Variants in KANSL3 observed in about 807,000 individuals in gnomAD.
The protein encoded by KANSL3 is KAT8 regulatory NSL complex subunit 3, also known as NSL complex protein NSL3.
Under a neutral mutation model 89.2 loss-of-function variants are expected in KANSL3, and 16 were observed. The ratio of observed to expected loss-of-function variants is 0.18; its 90% CI spans 0.12 to 0.27. The LOEUF is 0.27. Among genes scored for constraint, KANSL3 ranks in the 10% least tolerant of loss-of-function variants. KANSL3 has a pLI of 1.00. For synonymous variants in KANSL3, 385 were observed against 419.7 expected, an observed-to-expected ratio of 0.92 and a Z score of 1.01; for missense variants, 879 against 1,110.6, an observed-to-expected ratio of 0.79 and a Z score of 2.96.
Position 96,609,566 on chromosome 2 carries a change from A to T in KANSL3, c.1320-4T>A. On this transcript the variant is annotated splice_region_variant and splice_polypyrimidine_tract_variant and intron_variant, in intron 11 of 20. Coordinates refer to ENST00000431828, the MANE Select transcript of KANSL3 (RefSeq NM_001115016.3). ...TTTCTTCTTTGCTTTGCTTATTCTAAGAAACAAAAAGGATGACATGTTTAC... is the reference window on the plus strand; with the variant it reads ...TTTCTTCTTTGCTTTGCTTATTCTATGAAACAAAAAGGATGACATGTTTAC... 8 of 1,611,766 alleles carry T rather than the reference A, an allele frequency of 5.0e-6. No homozygotes were observed. Among genetic ancestry groups the T allele is most frequent in the Non-Finnish European group, 6.8e-6 (8 of 1,177,852 alleles).
chr2:96,608,476 C>T (rs2068346111), intron 14 of KANSL3, 32 bp downstream of exon 14: 3 of 1,612,196 alleles, frequency 1.9e-6, no homozygotes, highest in African/African-American at 2.7e-5. Flanking sequence ...AGAAGACAGA[C>T]CCAAGAGGAG....
chr2:96,632,964 T>C (rs2073669964), intron 2 of KANSL3, among the ~76,000 whole-genome samples: 2 of 97,138 alleles, frequency 2.1e-5, no homozygotes, highest in South Asian at 3.4e-4. Context: ...AGACTCCATC[T>C]CAAAAAAAAA....
chr2:96,604,526 G>A, intron 16 of KANSL3, 146 bp from the exon 17 acceptor site: 1 of 1,005,060 alleles, frequency 9.9e-7, no homozygotes, highest in Non-Finnish European at 1.4e-6. Flanking sequence ...CCCACTTTCT[G>A]TACCTGGCCT....
At chr2:96,635,847 A>T (rs1385341288) in intron 2 of KANSL3, among the ~76,000 whole-genome samples, 2 of 152,176 alleles carry the variant, frequency 1.3e-5, no homozygotes, top group Non-Finnish European at 2.9e-5. Context: ...TACAAAAATT[A>T]GCCAGGCACA....
At chr2:96,588,586 C>CCTTTT (rs1238492349), downstream of KANSL3, among the ~76,000 whole-genome samples, 4 of 151,754 alleles carry the variant, frequency 2.6e-5, no homozygotes, top group African/African-American at 7.3e-5. Flanking sequence ...AATAGACTTC[C>CCTTTT]CTTTTCTTTT....
the KANSL3 span, among the ~76,000 whole-genome samples, chr2:96,587,455 C>T: frequency 6.6e-6 from 1 of 152,158 alleles, no homozygotes; most frequent in Non-Finnish European, 1.5e-5. Flanking sequence ...AAGACTCCAC[C>T]CCAATGTCAA....
intron 1 of KANSL3, 72 bp from the exon 2 acceptor site, chr2:96,637,257 G>T: frequency 1.6e-6 from 1 of 638,104 alleles, no homozygotes; most frequent in Non-Finnish European, 2.7e-6. Flanking sequence ...CATCTAACAT[G>T]CTTACTTTTG....
intron 20 of KANSL3, chr2:96,598,226 G>T: frequency 1.5e-6 from 1 of 689,536 alleles, no homozygotes; most frequent in South Asian, 6.5e-5. Flanking sequence ...TATCATTTCT[G>T]TACTATAAAA....
intron 20 of KANSL3, among the ~76,000 whole-genome samples, chr2:96,598,436 T>C (rs1203823772): frequency 6.6e-6 from 1 of 152,214 alleles, no homozygotes; most frequent in Non-Finnish European, 1.5e-5. Context: ...AGAATAGACA[T>C]GCTTTTCTTT....
intron 14 of KANSL3, among the ~76,000 whole-genome samples, chr2:96,608,279 C>G (rs572923000): frequency 1.1e-4 from 16 of 152,304 alleles, no homozygotes; most frequent in Admixed American, 2.0e-4. Context: ...CTAGCCTCCC[C>G]AGAACAGCAA....
the KANSL3 span, among the ~76,000 whole-genome samples, chr2:96,582,451 T>G: frequency 2.6e-5 from 4 of 152,216 alleles, no homozygotes; most frequent in Non-Finnish European, 5.9e-5. Context: ...AATCTGCTAT[T>G]AAGCCCATCC....
chr2:96,630,768 T>A (rs1573626670), intron 3 of KANSL3, among the ~76,000 whole-genome samples: 1 of 152,158 alleles, frequency 6.6e-6, no homozygotes, highest in Non-Finnish European at 1.5e-5. Flanking sequence ...CTGAGTCCCC[T>A]GGGGGCAGTA....
At chr2:96,623,496 G>A (rs2071700433) in intron 3 of KANSL3, among the ~76,000 whole-genome samples, 1 of 152,124 alleles carries the variant, frequency 6.6e-6, no homozygotes, top group African/African-American at 2.4e-5. Context: ...ATTACCCTTT[G>A]TTATTCACTT....
intron 3 of KANSL3, among the ~76,000 whole-genome samples, chr2:96,626,718 C>G (rs1458570917): frequency 6.6e-6 from 1 of 152,136 alleles, no homozygotes; most frequent in African/African-American, 2.4e-5. Context: ...AAAAAGCTGG[C>G]CCAACATCTT....
At chr2:96,617,361 T>A (rs1287780215) in intron 5 of KANSL3, among the ~76,000 whole-genome samples, 1 of 152,110 alleles carries the variant, frequency 6.6e-6, no homozygotes, top group Non-Finnish European at 1.5e-5. Context: ...ACCATGAATA[T>A]CATTAATGTA....
intron 3 of KANSL3, among the ~76,000 whole-genome samples, chr2:96,627,267 T>G (rs1333061101): frequency 6.6e-6 from 1 of 151,556 alleles, no homozygotes; most frequent in Non-Finnish European, 1.5e-5. Flanking sequence ...CGGGCTGGAG[T>G]GCAGTGGCAC....
chr2:96,611,425 C>G (rs570766240), intron 9 of KANSL3, among the ~76,000 whole-genome samples: 1 of 152,342 alleles, frequency 6.6e-6, no homozygotes, highest in East Asian at 1.9e-4. Context: ...TCAACCCCCT[C>G]AACTAGAGCC....
At chr2:96,616,596 T>C (rs965582604) in intron 5 of KANSL3, among the ~76,000 whole-genome samples, 1 of 152,254 alleles carries the variant, frequency 6.6e-6, no homozygotes, top group African/African-American at 2.4e-5. Context: ...TAATCATTTA[T>C]ATCCTTTGGG....
intron 5 of KANSL3, among the ~76,000 whole-genome samples, chr2:96,614,641 C>T (rs1019726888): frequency 6.6e-6 from 1 of 151,862 alleles, no homozygotes; most frequent in Admixed American, 6.6e-5. Flanking sequence ...TGTGGTGGCG[C>T]ACACCAGTAA....
Sources: allele counts gnomAD v4.1 joint callset (sites outside exome capture counted in the v4.1 genomes callset), GRCh38; gene constraint gnomAD v4.1.1; transcripts MANE v1.5; gene names NCBI Gene and HGNC (gene_info 2026-07-23, HGNC 2026-07-21).